The following CUX1 variants were observed in gnomAD, a reference collection of about 807,000 sequenced individuals.
CUX1 encodes the protein protein CASP.
In CUX1, 31 loss-of-function variants were observed where a neutral mutation model predicts 158.8. The observed-to-expected ratio is 0.20, with a 90% CI of 0.15 to 0.26. The LOEUF is 0.26. CUX1 is among the 10% of genes least tolerant of loss of function. The probability of loss-of-function intolerance (pLI) is 1.00; values close to 1 mark genes in which losing one functional copy is unlikely to be tolerated. For missense variants in CUX1, 1,589 were observed against 2,014.6 expected (o/e 0.79, Z 4.04); for synonymous variants, 879 against 862.1 (o/e 1.02, Z -0.34).
intron 8 of CUX1, among the ~76,000 whole-genome samples, chr7:102,157,094 C>T (rs959526952): frequency 1.3e-5 from 2 of 152,142 alleles, no homozygotes; most frequent in African/African-American, 2.4e-5. Flanking sequence ...TTTGGGGTCC[C>T]GCACGAGATG....
chr7:102,206,209 C>T (rs948600301), intron 20 of CUX1, among the ~76,000 whole-genome samples: 16 of 152,052 alleles, frequency 1.1e-4, no homozygotes, highest in Non-Finnish European at 5.9e-5. Flanking sequence ...CATCCAAGTC[C>T]CCAGTTGAGA....
intron 2 of CUX1, among the ~76,000 whole-genome samples, chr7:101,962,664 C>G (rs908916265): frequency 6.6e-5 from 10 of 152,150 alleles, no homozygotes; most frequent in African/African-American, 2.4e-4. Context: ...ATCCTCAACT[C>G]CTCCCATTCA....
chr7:101,941,135 C>A (rs1170468172), intron 2 of CUX1, among the ~76,000 whole-genome samples: 1 of 152,214 alleles, frequency 6.6e-6, no homozygotes, highest in Non-Finnish European at 1.5e-5. Context: ...ACGCAGCCAG[C>A]CGGGCAGCCT....
At chr7:101,849,554 C>T (rs1026176289) in intron 1 of CUX1, among the ~76,000 whole-genome samples, 7 of 152,064 alleles carry the variant, frequency 4.6e-5, no homozygotes, top group African/African-American at 1.7e-4. Flanking sequence ...TGTGTATGCG[C>T]CATGTTTTCT....
intron 10 of CUX1, among the ~76,000 whole-genome samples, chr7:102,177,392 C>T (rs1404048922): frequency 6.9e-6 from 1 of 143,942 alleles, no homozygotes; most frequent in Non-Finnish European, 1.5e-5. Context: ...CCAGCCTGGG[C>T]GACAGACCAA....
chr7:102,217,894 G>A (rs1383794995), intron 20 of CUX1, among the ~76,000 whole-genome samples: 1 of 150,860 alleles, frequency 6.6e-6, no homozygotes, highest in Non-Finnish European at 1.5e-5. Flanking sequence ...CTAGAGGGAG[G>A]GAGGATCTGG....
At chr7:102,274,396 A>C (rs1791450061) in intron 16 of CUX1, 1 of 1,203,292 alleles carries the variant, frequency 8.3e-7, no homozygotes, top group Admixed American at 1.9e-5. Context: ...ATCCCCAAAG[A>C]GTAGTCCCTT....
chr7:101,874,387 G>A (rs1334693886), intron 1 of CUX1, among the ~76,000 whole-genome samples: 1 of 152,200 alleles, frequency 6.6e-6, no homozygotes. Flanking sequence ...TACTTAAAAA[G>A]CAGCGGAAAC....
chr7:101,989,517 C>A (rs912416193), intron 2 of CUX1, among the ~76,000 whole-genome samples: 1 of 152,142 alleles, frequency 6.6e-6, no homozygotes, highest in Non-Finnish European at 1.5e-5. Flanking sequence ...CCGAGTGGAG[C>A]GTTCTGTTGC....
intron 1 of CUX1, among the ~76,000 whole-genome samples, chr7:101,906,650 A>G (rs1380088997): frequency 6.6e-6 from 1 of 152,156 alleles, no homozygotes; most frequent in African/African-American, 2.4e-5. Context: ...CTAGGCCCCC[A>G]CTGCATGCCC....
At chr7:101,918,865 C>A (rs1804551151) in intron 2 of CUX1, among the ~76,000 whole-genome samples, 1 of 152,212 alleles carries the variant, frequency 6.6e-6, no homozygotes, top group Non-Finnish European at 1.5e-5. Context: ...TCACTGCAAC[C>A]TCCGCCTCCT....
At chr7:102,151,727 CAAAAAAAAAAAAA>C (rs1159017025) in intron 8 of CUX1, among the ~76,000 whole-genome samples, 31 of 38,880 alleles carry the variant, frequency 8.0e-4, no homozygotes, top group East Asian at 6.9e-3. Context: ...GACTCTGTCT[CAAAAAAAAAAAAA>C]AAAAAAAAAA....
intron 8 of CUX1, among the ~76,000 whole-genome samples, chr7:102,127,927 A>AACCTCC (rs1554495895): frequency 6.6e-6 from 1 of 152,144 alleles, no homozygotes; most frequent in Non-Finnish European, 1.5e-5. Context: ...GGCTCACTGC[A>AACCTCC]ACCTCCACCT....
At chr7:102,278,057 C>T (rs987542926) in exon 18 of CUX1, 2 of 1,609,646 alleles carry the variant, frequency 1.2e-6, no homozygotes, top group African/African-American at 1.3e-5. Flanking sequence ...GCAGAGCTAC[C>T]CTGGCCGGGT....
At chr7:102,282,011 C>T (rs1792112135) in intron 21 of CUX1, 1 of 870,494 alleles carries the variant, frequency 1.1e-6, no homozygotes, top group South Asian at 1.3e-5. Flanking sequence ...TGGCCTGGCC[C>T]CTGGGCCTAC....
At chr7:101,892,465 A>G (rs1190997165) in intron 1 of CUX1, among the ~76,000 whole-genome samples, 3 of 152,200 alleles carry the variant, frequency 2.0e-5, no homozygotes, top group East Asian at 1.9e-4. Context: ...TTAGACATCC[A>G]GGACAGAAAT....
intron 2 of CUX1, among the ~76,000 whole-genome samples, chr7:101,995,172 C>A (rs372249949): frequency 2.0e-5 from 3 of 152,120 alleles, no homozygotes; most frequent in African/African-American, 7.2e-5. Flanking sequence ...CTGCTGCTGA[C>A]GGGCTCTTGG....
intron 2 of CUX1, among the ~76,000 whole-genome samples, chr7:101,970,165 CT>C (rs962805095): frequency 3.3e-5 from 5 of 152,030 alleles, no homozygotes; most frequent in African/African-American, 1.2e-4. Flanking sequence ...TCAAATTAGG[CT>C]TTATTCTCTT....
chr7:101,977,773 AAATAATAAT>A (rs899635426), intron 2 of CUX1, among the ~76,000 whole-genome samples: 1 of 152,150 alleles, frequency 6.6e-6, no homozygotes, highest in Admixed American at 6.5e-5. Flanking sequence ...TCTGCTCAAA[AAATAATAAT>A]AATAAATAAA....
Sources: gnomAD v4.1 joint callset for allele counts (sites outside exome capture counted in the v4.1 genomes callset) on GRCh38, gnomAD v4.1.1 for gene constraint, MANE v1.5 for transcripts, NCBI Gene and HGNC (gene_info 2026-07-23, HGNC 2026-07-21) for gene names.